Variants in ANKHD1 observed in about 807,000 individuals in gnomAD.
ANKHD1 encodes the protein ankyrin repeat and KH domain containing 1, also known as ankyrin repeat and KH domain-containing protein 1.
A neutral mutation model predicts 230.5 loss-of-function variants in ANKHD1; 31 were observed. The ratio of observed to expected loss-of-function variants is 0.13; its 90% confidence interval spans 0.10 to 0.18. The LOEUF is 0.18. Among genes scored for constraint, ANKHD1 ranks in the 10% least tolerant of loss-of-function variants. The probability of loss-of-function intolerance (pLI) is 1.00; values close to 1 mark genes in which losing one functional copy is unlikely to be tolerated. For synonymous variants in ANKHD1, 1,074 were observed against 1,117.6 expected, an observed-to-expected ratio of 0.96 and a Z score of 0.78; for missense variants, 2,256 against 3,071.3, an observed-to-expected ratio of 0.73 and a Z score of 6.27.
chr5:140,526,174 A>G lies in ANKHD1; in HGVS notation c.4671A>G (p.Ala1557=), dbSNP rs1050945401. ...KNKTKETPPT[A]HLILPEQHMS... is the part of the protein sequence containing the mutation. ...AAACAAAAGAAACCCCTCCTACAGC[A>G]CATTTAATTTTACCAGAACAACATA... Residue 1557 remains alanine, a synonymous_variant, in exon 26 of 34, where the codon GCA becomes GCG. Transcript: ENST00000360839. 1 of 1,613,582 alleles carries G rather than the reference A, an allele frequency of 6.2e-7. No individual in the cohort carries two copies. Among genetic ancestry groups the G allele is most frequent in the Non-Finnish European group, 8.5e-7 (1 of 1,179,948 alleles).
chr5:140,441,592 C>T (rs551647044), intron 5 of ANKHD1, among the ~76,000 whole-genome samples: 14 of 151,610 alleles, frequency 9.2e-5, no homozygotes, highest in Non-Finnish European at 1.9e-4. Context: ...AGAGATAAGA[C>T]ATTGGTTACC....
At chr5:140,509,522 G>C in intron 20 of ANKHD1, 115 bp from the exon 21 acceptor site, 1 of 1,261,400 alleles carries the variant, frequency 7.9e-7, no homozygotes, top group Non-Finnish European at 1.0e-6. Flanking sequence ...AACTAGAATT[G>C]TCTTAAAAGT....
rs76278224 is a variant in ANKHD1 at position 140,497,027 on chromosome 5, C to T, written c.2753C>T (p.Ser918Leu). Residue 918 changes from serine (S) to leucine (L), a missense_variant, in exon 15 of 34, where the codon TCG becomes TTG. Physicochemically the swap from Ser to Leu is moderately radical, Grantham distance 145 (BLOSUM62 -2). Transcript: ENST00000360839. ...DVDDEQQSPP[S>L]AEQIDFVPVQ... is the part of the protein sequence containing the mutation. The stretch of plus-strand genomic sequence containing the variant: ...GATGATGAGCAACAGTCTCCACCAT[C>T]GGCAGAACAGATTGATTTTGTCCCA... The T allele has an allele frequency of 2.8e-5, 46 of 1,614,162 alleles. No individual in the cohort carries two copies. In the African/African-American group the frequency reaches 4.5e-4, roughly 16 times the overall value.
intron 7 of ANKHD1, among the ~76,000 whole-genome samples, chr5:140,451,183 A>C (rs1774707875): frequency 6.6e-6 from 1 of 151,698 alleles, no homozygotes; most frequent in Non-Finnish European, 1.5e-5. Flanking sequence ...CAAAACAAAA[A>C]ACTTCAAAAA....
At chr5:140,417,655 G>A (rs1367845163) in intron 1 of ANKHD1, among the ~76,000 whole-genome samples, 1 of 151,722 alleles carries the variant, frequency 6.6e-6, no homozygotes, top group African/African-American at 2.4e-5. Context: ...TTGCCATGTT[G>A]CCCAGGCTGG....
intron 1 of ANKHD1, among the ~76,000 whole-genome samples, chr5:140,432,537 G>GT (rs1404982715): frequency 2.0e-5 from 3 of 151,692 alleles, no homozygotes; most frequent in East Asian, 3.8e-4. Context: ...GAACGTTTGT[G>GT]TTTAAGTTTT....
At chr5:140,447,193 G>A (rs537486183) in intron 6 of ANKHD1, among the ~76,000 whole-genome samples, 1 of 151,702 alleles carries the variant, frequency 6.6e-6, no homozygotes, top group East Asian at 1.9e-4. Flanking sequence ...ATGAACCACC[G>A]TGCCTGGCCT....
At chr5:140,487,204 A>G (rs1561790028) in intron 14 of ANKHD1, 144 bp downstream of exon 14, 20 of 902,834 alleles carry the variant, frequency 2.2e-5, no homozygotes, top group Admixed American at 1.5e-4. Context: ...TAGTCTTACT[A>G]TCTAAAACCA....
intron 20 of ANKHD1, 38 bp from the exon 21 acceptor site, chr5:140,509,599 A>C: frequency 4.8e-6 from 7 of 1,470,632 alleles, no homozygotes; most frequent in Non-Finnish European, 6.3e-6. Flanking sequence ...TTAAAAAAAG[A>C]AATGTAACTT....
Position 140,535,532 on chromosome 5 carries a change from A to T in ANKHD1, c.7021A>T (p.Asn2341Tyr), listed in dbSNP as rs773196871. 6.3e-7 allele frequency: 1 copy of T among 1,598,562 alleles called. No homozygotes were observed. The highest frequency in any genetic ancestry group is 1.8e-5 in the Admixed American group (1 of 55,164). ...TCCCCATCCTTGGACAAGCGCCTCA[A>T]ACTCATGTAGGAATCCTGGAGGAAC... Reference protein sequence around the residue: ...FSPHPWTSASNSSTSAPPTLG... With the variant: ...FSPHPWTSASYSSTSAPPTLG... The change falls in exon 30 of 34, where the codon AAC becomes TAC. Residue 2341 changes from asparagine (N) to tyrosine (Y), a missense_variant. By Grantham distance (143) the Asn-to-Tyr change is moderately radical. Transcript: ENST00000360839.
intron 7 of ANKHD1, among the ~76,000 whole-genome samples, chr5:140,450,530 G>GTC (rs148476012): frequency 5.3e-4 from 79 of 148,092 alleles, no homozygotes; most frequent in South Asian, 1.1e-3. Flanking sequence ...TTTTCTATTG[G>GTC]TCTCTCTCTC....
At chr5:140,415,439 CTTTT>C (rs1293254094) in intron 1 of ANKHD1, among the ~76,000 whole-genome samples, 1 of 136,376 alleles carries the variant, frequency 7.3e-6, no homozygotes, top group Non-Finnish European at 1.6e-5. Context: ...TTTGATACCT[CTTTT>C]TTTTTTTTTT....
Position 140,526,363 on chromosome 5 carries a change from G to C in ANKHD1, c.4860G>C (p.Val1620=), listed in dbSNP as rs140393380. 1.9e-6 allele frequency: 3 copies of C among 1,614,136 alleles called. No individual in the cohort carries two copies. The East Asian group carries it at 6.7e-5, about 36-fold the overall frequency. ...AAGAGTTAAATTTTGTGATGGATGT[G>C]AATTCCTCTAAATACCCCTCACTGC... ...KSQELNFVMD[V]NSSKYPSLLL... Residue 1620 remains valine, a synonymous_variant, in exon 26 of 34, where the codon GTG becomes GTC. Transcript: ENST00000360839.
At chr5:140,501,720 G>A (rs2127045703) in intron 15 of ANKHD1, among the ~76,000 whole-genome samples, 3 of 151,626 alleles carry the variant, frequency 2.0e-5, no homozygotes, top group Admixed American at 2.0e-4. Context: ...CTGCACTCCA[G>A]CCTGGGTAAC....
chr5:140,402,058 C>T lies in ANKHD1; in HGVS notation c.91C>T (p.Pro31Ser). 6.0e-6 allele frequency: 9 copies of T among 1,489,554 alleles called. No individual in the cohort carries two copies. Among genetic ancestry groups the T allele is most frequent in the African/African-American group, 1.5e-5 (1 of 67,868 alleles). 92.3% of individuals were successfully genotyped at this position (1,489,554 alleles called of 1,614,324 possible). The change falls in exon 1 of 34, where the codon CCG becomes TCG. Residue 31 changes from proline (P) to serine (S), a missense_variant. Coordinates refer to ENST00000360839, the MANE Select transcript of ANKHD1 (RefSeq NM_017747.3). ...PRSAPAGASEPPPPGGVGLGI... is the reference protein window; with the variant it reads ...PRSAPAGASESPPPGGVGLGI... Reference sequence around the variant, plus strand: ...ATCCGCCCCAGCTGGGGCCTCGGAGCCGCCTCCGCCGGGAGGGGTCGGTCT... The same window carrying T: ...ATCCGCCCCAGCTGGGGCCTCGGAGTCGCCTCCGCCGGGAGGGGTCGGTCT...
chr5:140,479,755 TAC>T (rs1751178286), intron 10 of ANKHD1, among the ~76,000 whole-genome samples: 1 of 149,546 alleles, frequency 6.7e-6, no homozygotes, highest in African/African-American at 2.4e-5. Context: ...CTTATATATA[TAC>T]CTATGTATGT....
At chr5:140,443,401 A>G (rs544673559) in intron 5 of ANKHD1, among the ~76,000 whole-genome samples, 1 of 151,468 alleles carries the variant, frequency 6.6e-6, no homozygotes, top group Admixed American at 6.6e-5. Flanking sequence ...AAAAATACCC[A>G]AAAAAAAGGC....
intron 1 of ANKHD1, among the ~76,000 whole-genome samples, chr5:140,427,345 G>T (rs1434865524): frequency 2.2e-5 from 3 of 134,492 alleles, no homozygotes; most frequent in African/African-American, 8.3e-5. Flanking sequence ...CCTCCCTCCC[G>T]GACGGGGCGG....
At chr5:140,478,308 A>T (rs543624401) in intron 10 of ANKHD1, among the ~76,000 whole-genome samples, 2 of 151,892 alleles carry the variant, frequency 1.3e-5, no homozygotes, top group East Asian at 1.9e-4. Context: ...GCTGGTTTTT[A>T]AAAAAAGACT....
Sources: gnomAD v4.1 joint callset for allele counts (sites outside exome capture counted in the v4.1 genomes callset) on GRCh38, gnomAD v4.1.1 for gene constraint, MANE v1.5 for transcripts, NCBI Gene and HGNC (gene_info 2026-07-23, HGNC 2026-07-21) for gene names.